Variants in PIK3C2G observed in about 807,000 individuals in gnomAD.
PIK3C2G encodes phosphatidylinositol 3-kinase C2 domain-containing subunit gamma.
PIK3C2G carries 168 observed loss-of-function variants against 181.1 expected under a neutral mutation model. The observed-to-expected ratio is 0.93, with a 90% confidence interval of 0.82 to 1.05. PIK3C2G has a LOEUF of 1.05. Among genes scored for constraint, PIK3C2G ranks in the 50% least tolerant of loss-of-function variants. The pLI is 0.00. For missense variants in PIK3C2G, 1,869 were observed against 1,732.8 expected (o/e 1.08, Z -1.40); for synonymous variants, 573 against 592.2 (o/e 0.97, Z 0.47).
chr12:18,536,203 A>G (rs923003868), intron 24 of PIK3C2G, among the ~76,000 whole-genome samples: 2 of 152,158 alleles, frequency 1.3e-5, no homozygotes, highest in African/African-American at 4.8e-5. Flanking sequence ...TCTTGGAATA[A>G]GGATGAGATT....
chr12:18,435,343 C>T (rs1300769439), intron 18 of PIK3C2G, among the ~76,000 whole-genome samples: 6 of 152,012 alleles, frequency 3.9e-5, no homozygotes, highest in African/African-American at 9.7e-5. Flanking sequence ...CTATCACTAC[C>T]GCTTCCAGGC....
chr12:18,485,329 C>T (rs74070280), intron 18 of PIK3C2G, among the ~76,000 whole-genome samples: 14,362 of 152,120 alleles, frequency 0.094, 824 homozygotes, highest in African/African-American at 0.17. Flanking sequence ...TAGAAAAGTT[C>T]TAATTTTCAA....
chr12:18,720,549 C>G, the PIK3C2G span, among the ~76,000 whole-genome samples: 1 of 151,652 alleles, frequency 6.6e-6, no homozygotes, highest in Non-Finnish European at 1.5e-5. Flanking sequence ...AGCATATTAG[C>G]TAACCTCTCC....
At chr12:18,631,423 G>A (rs80052608) in intron 31 of PIK3C2G, among the ~76,000 whole-genome samples, 7,502 of 152,252 alleles carry the variant, frequency 0.049, 254 homozygotes, top group Non-Finnish European at 0.076. Context: ...CAAACCTTGA[G>A]TGTTACTTAA....
chr12:18,352,063 A>T (rs1456665176), intron 11 of PIK3C2G, among the ~76,000 whole-genome samples: 1 of 152,178 alleles, frequency 6.6e-6, no homozygotes, highest in African/African-American at 2.4e-5. Flanking sequence ...TCATTTCAAA[A>T]ATATTTCTGA....
At chr12:18,528,810 G>A (rs1043397983) in intron 24 of PIK3C2G, among the ~76,000 whole-genome samples, 2 of 152,148 alleles carry the variant, frequency 1.3e-5, no homozygotes, top group African/African-American at 4.8e-5. Context: ...ACAATCAAGT[G>A]CCCTGTAGCA....
intron 18 of PIK3C2G, among the ~76,000 whole-genome samples, chr12:18,457,042 T>TA (rs1462389990): frequency 6.6e-6 from 1 of 151,950 alleles, no homozygotes; most frequent in Non-Finnish European, 1.5e-5. Flanking sequence ...CAAAGCATTG[T>TA]AATGTGAAAT....
intron 24 of PIK3C2G, among the ~76,000 whole-genome samples, chr12:18,510,724 G>T (rs74068041): frequency 0.013 from 2,051 of 152,186 alleles, 44 homozygotes; most frequent in African/African-American, 0.048. Flanking sequence ...TTTTGAAAAA[G>T]TTATTATTTA....
intron 14 of PIK3C2G, among the ~76,000 whole-genome samples, chr12:18,384,815 G>A (rs1041082179): frequency 2.2e-4 from 34 of 152,138 alleles, no homozygotes; most frequent in Admixed American, 1.4e-3. Context: ...CACAGTATGC[G>A]AAAGTTAAAC....
chr12:18,279,226 CA>C (rs1304802402), intron 1 of PIK3C2G, among the ~76,000 whole-genome samples: 2 of 151,912 alleles, frequency 1.3e-5, no homozygotes, highest in African/African-American at 4.8e-5. Flanking sequence ...TAAGTTAATA[CA>C]TTTTTTTGTT....
the PIK3C2G span, among the ~76,000 whole-genome samples, chr12:18,662,078 G>A: frequency 2.6e-5 from 4 of 152,066 alleles, no homozygotes; most frequent in Admixed American, 2.6e-4. Flanking sequence ...TAAATCTTGA[G>A]TACACATGGA....
chr12:18,610,621 A>T (rs2136603498), intron 31 of PIK3C2G, among the ~76,000 whole-genome samples: 1 of 152,200 alleles, frequency 6.6e-6, no homozygotes, highest in Non-Finnish European at 1.5e-5. Flanking sequence ...ATCTTTTTCT[A>T]ATTAAAACAA....
intron 30 of PIK3C2G, among the ~76,000 whole-genome samples, chr12:18,595,247 C>T (rs987917282): frequency 1.3e-5 from 2 of 152,020 alleles, no homozygotes; most frequent in African/African-American, 4.8e-5. Flanking sequence ...TGTCACAGAA[C>T]ATTAGCTGGT....
chr12:18,445,062 G>A (rs1310473120), intron 18 of PIK3C2G, among the ~76,000 whole-genome samples: 1 of 152,038 alleles, frequency 6.6e-6, no homozygotes, highest in African/African-American at 2.4e-5. Context: ...TTAATGAATG[G>A]TGTTTGGATG....
At chr12:18,676,753 A>G in the PIK3C2G span, among the ~76,000 whole-genome samples, 1 of 152,138 alleles carries the variant, frequency 6.6e-6, no homozygotes, top group Admixed American at 6.6e-5. Context: ...TTTCTTCAGC[A>G]AAGTCCTAAA....
At chr12:18,260,817 G>A (rs900547838), upstream of PIK3C2G, among the ~76,000 whole-genome samples, 3 of 151,914 alleles carry the variant, frequency 2.0e-5, no homozygotes, top group African/African-American at 7.3e-5. Flanking sequence ...ATTTTACCTG[G>A]ATTTAATTAT....
intron 14 of PIK3C2G, among the ~76,000 whole-genome samples, chr12:18,386,315 C>T (rs1483161605): frequency 6.6e-6 from 1 of 152,196 alleles, no homozygotes; most frequent in East Asian, 1.9e-4. Flanking sequence ...CCATACTATC[C>T]TCCCATTTAA....
At chr12:18,405,952 C>T (rs763612285) in intron 16 of PIK3C2G, among the ~76,000 whole-genome samples, 5 of 152,074 alleles carry the variant, frequency 3.3e-5, no homozygotes, top group Admixed American at 2.6e-4. Context: ...CTGATCTCCA[C>T]GCAGTGCAAT....
At chr12:18,411,105 C>A (rs928490347) in intron 16 of PIK3C2G, among the ~76,000 whole-genome samples, 1 of 152,010 alleles carries the variant, frequency 6.6e-6, no homozygotes, top group Admixed American at 6.6e-5. Flanking sequence ...ATGTCCCAGT[C>A]CAGTTAGACA....
Sources: gnomAD v4.1 joint callset for allele counts (sites outside exome capture counted in the v4.1 genomes callset) on GRCh38, gnomAD v4.1.1 for gene constraint, MANE v1.5 for transcripts, NCBI Gene and HGNC (gene_info 2026-07-23, HGNC 2026-07-21) for gene names.